DCPH1: variants seen among roughly 807,000 people sequenced by gnomAD.
The protein encoded by DCPH1 is damage control phosphatase 1.
the DCPH1 span, among the ~76,000 whole-genome samples, chr6:151,462,132 A>G: frequency 6.6e-6 from 1 of 152,254 alleles, no homozygotes; most frequent in Non-Finnish European, 1.5e-5. Context: ...TGTGAAATTT[A>G]AACATATTAG....
the DCPH1 span, chr6:151,452,509 G>A: frequency 8.1e-6 from 13 of 1,609,878 alleles, no homozygotes; most frequent in South Asian, 1.2e-4. Context: ...TGCGGCGATT[G>A]AACAGCCGAG....
the DCPH1 span, among the ~76,000 whole-genome samples, chr6:151,466,933 T>A: frequency 4.0e-5 from 6 of 151,858 alleles, no homozygotes; most frequent in Non-Finnish European, 8.8e-5. Context: ...TTAAAAAAAA[T>A]TTATTCATTT....
chr6:151,454,418 C>A, the DCPH1 span: 6 of 602,560 alleles, frequency 1.0e-5, no homozygotes, highest in Non-Finnish European at 1.8e-5. Context: ...AGTAATCATA[C>A]AATACTTGTC....
At chr6:151,458,577 G>A in the DCPH1 span, 12 of 1,590,866 alleles carry the variant, frequency 7.5e-6, no homozygotes, top group East Asian at 6.8e-5. Context: ...CCAGAGGTAC[G>A]TGTGTAATCA....
the DCPH1 span, chr6:151,469,301 A>G: frequency 2.2e-5 from 10 of 446,264 alleles, no homozygotes; most frequent in Non-Finnish European, 3.1e-5. Context: ...TGTTTTGGGG[A>G]TAGCTGGGTT....
chr6:151,458,357 C>T, the DCPH1 span: 2 of 1,613,074 alleles, frequency 1.2e-6, no homozygotes, highest in South Asian at 2.2e-5. Flanking sequence ...AGAAAGCTAT[C>T]TCTCTCCTTT....
the DCPH1 span, among the ~76,000 whole-genome samples, chr6:151,455,877 GCC>G: frequency 6.6e-6 from 1 of 152,274 alleles, no homozygotes; most frequent in Admixed American, 6.5e-5. Flanking sequence ...GGTCCCTGCG[GCC>G]TTCCGGCCTT....
At chr6:151,462,430 A>G in the DCPH1 span, among the ~76,000 whole-genome samples, 1 of 152,188 alleles carries the variant, frequency 6.6e-6, no homozygotes, top group Admixed American at 6.5e-5. Context: ...ATGAAATGAT[A>G]CAGTGTATAG....
chr6:151,455,879 C>T, the DCPH1 span, among the ~76,000 whole-genome samples: 2 of 152,290 alleles, frequency 1.3e-5, no homozygotes, highest in Non-Finnish European at 2.9e-5. Flanking sequence ...TCCCTGCGGC[C>T]TTCCGGCCTT....
the DCPH1 span, among the ~76,000 whole-genome samples, chr6:151,456,928 C>T: frequency 9.2e-5 from 14 of 152,354 alleles, no homozygotes; most frequent in African/African-American, 3.1e-4. Flanking sequence ...CACCAGGTGA[C>T]TGAAGGCAGA....
At chr6:151,461,920 C>A in the DCPH1 span, among the ~76,000 whole-genome samples, 3 of 152,140 alleles carry the variant, frequency 2.0e-5, no homozygotes, top group Non-Finnish European at 2.9e-5. Flanking sequence ...AGATAAAGAG[C>A]CATCTTACAA....
the DCPH1 span, among the ~76,000 whole-genome samples, chr6:151,461,313 G>GATTTTCACAAACCTGGCTGCAC: frequency 2.0e-5 from 3 of 152,292 alleles, no homozygotes; most frequent in Admixed American, 6.5e-5. Context: ...ACCTAGAGCA[G>GATTTTCACAAACCTGGCTGCAC]ATTTTCACAA....
At chr6:151,455,428 TCACAAGA>T in the DCPH1 span, among the ~76,000 whole-genome samples, 1 of 152,184 alleles carries the variant, frequency 6.6e-6, no homozygotes, top group African/African-American at 2.4e-5. Flanking sequence ...TGTGTCAGGG[TCACAAGA>T]CAATTGTGGG....
At chr6:151,459,106 C>T in the DCPH1 span, among the ~76,000 whole-genome samples, 1 of 152,156 alleles carries the variant, frequency 6.6e-6, no homozygotes, top group Non-Finnish European at 1.5e-5. Flanking sequence ...CACTGCACTG[C>T]AGCCTGAGCA....
the DCPH1 span, among the ~76,000 whole-genome samples, chr6:151,457,142 G>A: frequency 2.0e-5 from 3 of 152,114 alleles, no homozygotes; most frequent in Non-Finnish European, 2.9e-5. Context: ...TATCTCCGAA[G>A]GAGCCATGCC....
chr6:151,465,071 C>T, the DCPH1 span, among the ~76,000 whole-genome samples: 1 of 152,276 alleles, frequency 6.6e-6, no homozygotes, highest in African/African-American at 2.4e-5. Context: ...GAGAATTCAA[C>T]TAGATGCTTG....
chr6:151,466,889 C>T, the DCPH1 span, among the ~76,000 whole-genome samples: 1 of 152,062 alleles, frequency 6.6e-6, no homozygotes, highest in African/African-American at 2.4e-5. Context: ...AAAAGGTGAC[C>T]TTGGACACTT....
the DCPH1 span, chr6:151,458,293 C>T: frequency 6.3e-7 from 1 of 1,599,050 alleles, no homozygotes; most frequent in East Asian, 2.2e-5. Flanking sequence ...CAGACACACA[C>T]ACACACACAA....
At chr6:151,455,524 GAT>G in the DCPH1 span, among the ~76,000 whole-genome samples, 1 of 152,216 alleles carries the variant, frequency 6.6e-6, no homozygotes, top group Admixed American at 6.5e-5. Flanking sequence ...TGTGCTTTTA[GAT>G]ATGCATACAC....
Sources: gnomAD v4.1 joint callset for allele counts (sites outside exome capture counted in the v4.1 genomes callset) on GRCh38, gnomAD v4.1.1 for gene constraint, MANE v1.5 for transcripts, NCBI Gene and HGNC (gene_info 2026-07-23, HGNC 2026-07-21) for gene names.